The following LRRTM4 variants were observed in gnomAD, a reference collection of about 807,000 sequenced individuals.
LRRTM4 encodes the protein leucine rich repeat transmembrane neuronal 4.
LRRTM4 carries 25 observed loss-of-function variants against 47.6 expected under a neutral mutation model. The ratio of observed to expected loss-of-function variants is 0.53; its 90% confidence interval spans 0.38 to 0.73. The LOEUF (loss-of-function observed/expected upper bound fraction) is 0.73. Among genes scored for constraint, LRRTM4 ranks in the 30% least tolerant of loss-of-function variants. The pLI, the probability that LRRTM4 is intolerant of heterozygous loss-of-function variation, is 0.00. For synonymous variants in LRRTM4, 311 were observed against 269.5 expected (o/e 1.15, Z -1.51); for missense variants, 638 against 713.4 (o/e 0.89, Z 1.20).
intron 3 of LRRTM4, among the ~76,000 whole-genome samples, chr2:77,138,535 G>C (rs1159226537): frequency 1.3e-5 from 2 of 152,132 alleles, no homozygotes; most frequent in Admixed American, 1.3e-4. Context: ...ATCTAAAATT[G>C]ACAACTTAAC....
chr2:77,126,547 C>G (rs1318016382), intron 3 of LRRTM4, among the ~76,000 whole-genome samples: 1 of 152,140 alleles, frequency 6.6e-6, no homozygotes, highest in African/African-American at 2.4e-5. Context: ...TCCATTACAA[C>G]AGAGACTATT....
chr2:77,463,643 T>A (rs181737127), intron 3 of LRRTM4, among the ~76,000 whole-genome samples: 1 of 152,250 alleles, frequency 6.6e-6, no homozygotes, highest in Non-Finnish European at 1.5e-5. Context: ...CTAAAAGTGA[T>A]GCTGAGATTG....
chr2:77,255,504 A>C (rs1169138205), intron 3 of LRRTM4, among the ~76,000 whole-genome samples: 2 of 152,088 alleles, frequency 1.3e-5, no homozygotes, highest in Admixed American at 1.3e-4. Flanking sequence ...TGTATCAAAT[A>C]GATTGTATCC....
At chr2:77,321,121 TA>T (rs1307385927) in intron 3 of LRRTM4, among the ~76,000 whole-genome samples, 1 of 152,188 alleles carries the variant, frequency 6.6e-6, no homozygotes, top group East Asian at 1.9e-4. Flanking sequence ...ACTTTATTAC[TA>T]AAAGCACCAT....
intron 3 of LRRTM4, among the ~76,000 whole-genome samples, chr2:76,767,591 T>A (rs1341959307): frequency 1.3e-5 from 2 of 152,160 alleles, no homozygotes; most frequent in Non-Finnish European, 2.9e-5. Context: ...TGGCTGTAGT[T>A]TATCATCCAA....
chr2:76,886,261 A>G (rs915141760), intron 3 of LRRTM4, among the ~76,000 whole-genome samples: 1 of 152,206 alleles, frequency 6.6e-6, no homozygotes, highest in East Asian at 1.9e-4. Context: ...AGCAATAGTC[A>G]TTGATCATTT....
intron 3 of LRRTM4, among the ~76,000 whole-genome samples, chr2:76,829,536 C>T (rs898732603): frequency 4.0e-5 from 6 of 151,614 alleles, no homozygotes; most frequent in Non-Finnish European, 5.9e-5. Context: ...CATGTAATTG[C>T]CTTGGATTGG....
intron 3 of LRRTM4, among the ~76,000 whole-genome samples, chr2:76,956,597 AAAT>A (rs1395499491): frequency 6.6e-6 from 1 of 151,320 alleles, no homozygotes; most frequent in African/African-American, 2.4e-5. Flanking sequence ...CAGAAAATGA[AAAT>A]AATAAACACT....
intron 3 of LRRTM4, among the ~76,000 whole-genome samples, chr2:77,460,693 A>G (rs536786911): frequency 3.2e-4 from 48 of 152,250 alleles, no homozygotes; most frequent in African/African-American, 1.1e-3. Flanking sequence ...AAATGATAAT[A>G]TTTTAAGTAT....
intron 3 of LRRTM4, among the ~76,000 whole-genome samples, chr2:77,007,183 C>CAT (rs967456922): frequency 8.8e-4 from 133 of 151,136 alleles, no homozygotes; most frequent in African/African-American, 2.6e-3. Flanking sequence ...CACACACACG[C>CAT]ATATATATAT....
intron 3 of LRRTM4, among the ~76,000 whole-genome samples, chr2:77,052,586 A>T (rs948428608): frequency 9.3e-5 from 14 of 151,324 alleles, no homozygotes; most frequent in African/African-American, 3.2e-4. Flanking sequence ...TTTTTTTTTT[A>T]CTGATCTGAA....
intron 3 of LRRTM4, among the ~76,000 whole-genome samples, chr2:77,184,355 G>A (rs1422753866): frequency 6.6e-6 from 1 of 152,012 alleles, no homozygotes; most frequent in Non-Finnish European, 1.5e-5. Flanking sequence ...CACAGGGAAG[G>A]AAGTGGCAGC....
intron 3 of LRRTM4, among the ~76,000 whole-genome samples, chr2:76,983,075 A>G (rs1676669650): frequency 1.3e-5 from 2 of 152,202 alleles, no homozygotes; most frequent in East Asian, 3.9e-4. Flanking sequence ...CTTTACATTC[A>G]AACAGATTTT....
chr2:77,422,014 C>G (rs1289296126), intron 3 of LRRTM4, among the ~76,000 whole-genome samples: 2 of 152,122 alleles, frequency 1.3e-5, no homozygotes, highest in Admixed American at 1.3e-4. Flanking sequence ...CAGTAACATG[C>G]TGGGCAGGTT....
At chr2:77,409,292 C>T (rs553609103) in intron 3 of LRRTM4, among the ~76,000 whole-genome samples, 5 of 152,182 alleles carry the variant, frequency 3.3e-5, no homozygotes, top group South Asian at 2.1e-4. Context: ...GTGTACAGAA[C>T]GGAATTCTAT....
chr2:77,490,479 T>C (rs1164300359), intron 3 of LRRTM4, among the ~76,000 whole-genome samples: 1 of 152,046 alleles, frequency 6.6e-6, no homozygotes, highest in East Asian at 1.9e-4. Context: ...GAGACTTAAG[T>C]TCCTCCTACA....
chr2:77,033,797 T>C (rs544126804), intron 3 of LRRTM4, among the ~76,000 whole-genome samples: 1 of 151,966 alleles, frequency 6.6e-6, no homozygotes, highest in African/African-American at 2.4e-5. Flanking sequence ...AATTTAATAA[T>C]GTCTTATTAA....
chr2:77,324,397 C>T (rs749285403), intron 3 of LRRTM4, among the ~76,000 whole-genome samples: 3 of 151,958 alleles, frequency 2.0e-5, no homozygotes, highest in African/African-American at 4.8e-5. Flanking sequence ...AGAAGTGCTA[C>T]CAAAGTAAGG....
chr2:77,438,065 G>T (rs1159757892), intron 3 of LRRTM4, among the ~76,000 whole-genome samples: 1 of 152,080 alleles, frequency 6.6e-6, no homozygotes, highest in African/African-American at 2.4e-5. Context: ...TTACAGAATT[G>T]TAGTGAATAT....
Sources: gnomAD v4.1 joint callset for allele counts (sites outside exome capture counted in the v4.1 genomes callset) on GRCh38, gnomAD v4.1.1 for gene constraint, MANE v1.5 for transcripts, NCBI Gene and HGNC (gene_info 2026-07-23, HGNC 2026-07-21) for gene names.